The following EXOC3L4 variants were observed in gnomAD, a reference collection of about 807,000 sequenced individuals.
EXOC3L4 encodes the protein exocyst complex component 3 like 4.
In EXOC3L4, 62 loss-of-function variants were observed where a neutral mutation model predicts 69.7. That is an observed-to-expected ratio of 0.89 (90% confidence interval 0.72 to 1.10). The LOEUF (loss-of-function observed/expected upper bound fraction) is 1.10, where lower values mean the gene tolerates loss of function less well. Among genes scored for constraint, EXOC3L4 ranks in the 50% least tolerant of loss-of-function variants. The pLI is 0.00. For missense variants in EXOC3L4, 1,087 were observed against 1,034.8 expected (o/e 1.05, Z -0.69); for synonymous variants, 502 against 464.2 (o/e 1.08, Z -1.05).
At position 103,100,197 on chromosome 14, in the gene EXOC3L4, C is replaced by A; in HGVS notation, c.-16-7C>A. On this transcript the variant is annotated splice_region_variant and splice_polypyrimidine_tract_variant and intron_variant, in intron 1 of 11. Transcript: ENST00000688303. Reference sequence around the variant, plus strand: ...CTGCTCCTATGGCCACTCCTTCTTGCCCCCAGCTCTCCTGCTGCCAAGATG... The same window carrying A: ...CTGCTCCTATGGCCACTCCTTCTTGACCCCAGCTCTCCTGCTGCCAAGATG... 6.5e-7 allele frequency: 1 copy of A among 1,547,336 alleles called. No individual in the cohort carries two copies. Among genetic ancestry groups the A allele is most frequent in the Non-Finnish European group, 8.8e-7 (1 of 1,142,080 alleles).
At chr14:103,103,742 G>C (rs1242481410) in intron 3 of EXOC3L4, 199 bp from the exon 4 acceptor site, 2 of 534,422 alleles carry the variant, frequency 3.7e-6, no homozygotes, top group Non-Finnish European at 6.6e-6. Flanking sequence ...CAGGAACCCA[G>C]CTGTCAGAGG....
In EXOC3L4 at chr14:103,105,223, A is replaced by G. The variant is rs950631426; in HGVS notation, c.1466+151A>G. ...TTGTGTCTGTGTGTTGGTGGATCTG[A>G]GGGGTGTGTGTGCGTGTGTGTGTAG... On this transcript the variant is annotated intron_variant, in intron 7 of 11. Coordinates refer to ENST00000688303, the MANE Select transcript of EXOC3L4 (RefSeq NM_001077594.2). The G allele has an allele frequency of 6.4e-6, 5 of 782,168 alleles. No individual in the cohort carries two copies. The South Asian group carries it at 7.5e-5, about 12-fold the overall frequency. 48.5% of individuals were successfully genotyped at this position (782,168 alleles called of 1,614,324 possible). A position where few individuals can be genotyped will look rare whatever the true frequency, so the allele number is the denominator to read the frequency against.
chr14:103,104,316 A>ACTGGGCGGCCGCCGAGGTCCC lies in EXOC3L4; in HGVS notation c.1213_1233dup (p.Trp405_Pro411dup), dbSNP rs1890405574. 1.9e-6 allele frequency: 3 copies of ACTGGGCGGCCGCCGAGGTCCC among 1,594,612 alleles called. No individual in the cohort carries two copies. Among genetic ancestry groups the ACTGGGCGGCCGCCGAGGTCCC allele is most frequent in the African/African-American group, 1.3e-5 (1 of 74,112 alleles). ...AGCATCTTGCAGCTGGAGCAGAGTCACTGGGCGGCCGCCGAGGTCCCCGAG... is the reference window on the plus strand; with the variant it reads ...AGCATCTTGCAGCTGGAGCAGAGTCACTGGGCGGCCGCCGAGGTCCCCTGGGCGGCCGCCGAGGTCCCCGAG... On this transcript the variant is annotated inframe_insertion, in exon 5 of 12. Transcript: ENST00000688303.
rs571324770 is a variant in EXOC3L4 at position 103,100,586 on chromosome 14, G to GCGT, written c.369_371dup (p.Ser124dup). On this transcript the variant is annotated inframe_insertion, in exon 2 of 12. Transcript: ENST00000688303. ...CAGCCAGCAGGCATCCACTGGGGCAGCGTCTGAGGAACTGAAACCCGAGGC... is the reference window on the plus strand; with the variant it reads ...CAGCCAGCAGGCATCCACTGGGGCAGCGTCGTCTGAGGAACTGAAACCCGAGGC... 183 of 1,606,058 alleles carry GCGT rather than the reference G, an allele frequency of 1.1e-4. No homozygotes were observed. The African/African-American group carries it at 2.3e-3, about 20-fold the overall frequency.
At position 103,100,305 on chromosome 14, in the gene EXOC3L4, C is replaced by T; in HGVS notation, c.86C>T (p.Ser29Phe). The change falls in exon 2 of 12, where the codon TCC (serine) becomes TTC (phenylalanine). Residue 29 changes from serine to phenylalanine, a missense_variant. Transcript: ENST00000688303. ...AEEPQTPAQG[S>F]RRTSSRKEPN... ...GAGCCACAGACTCCAGCTCAGGGCT[C>T]CCGGCGAACAAGCAGCAGGAAAGAG... 3 of 1,583,738 alleles carry T rather than the reference C, an allele frequency of 1.9e-6. No homozygotes were observed. The highest frequency in any genetic ancestry group is 2.3e-5 in the South Asian group (2 of 87,484).
chr14:103,104,845 A>T lies in EXOC3L4; in HGVS notation c.1385+7A>T. 1 of 1,507,142 alleles carries T rather than the reference A, an allele frequency of 6.6e-7. No individual in the cohort carries two copies. The highest frequency in any genetic ancestry group is 8.9e-7 in the Non-Finnish European group (1 of 1,120,550). The allele number at this position is 1,507,142 out of a possible 1,614,324, so 93.4% of individuals were successfully genotyped here. A position where few individuals can be genotyped will look rare whatever the true frequency, so the allele number is the denominator to read the frequency against. On this transcript the variant is annotated splice_region_variant and intron_variant, in intron 6 of 11. Coordinates refer to ENST00000688303, the MANE Select transcript of EXOC3L4 (RefSeq NM_001077594.2). ...TCGGCCTCTTCGTGCCCAGGTGCGG[A>T]CGCATCCTCAGTAGGGGAGCGACCT...
rs907443882 is a variant in EXOC3L4 at position 103,110,291 on chromosome 14, C to T, written c.*68C>T. 1.1e-5 allele frequency: 17 copies of T among 1,478,332 alleles called. No individual in the cohort carries two copies. The African/African-American group carries it at 2.1e-4, about 18-fold the overall frequency. The allele number at this position is 1,478,332 out of a possible 1,614,324, so 91.6% of individuals were successfully genotyped here. A position where few individuals can be genotyped will look rare whatever the true frequency, so the allele number is the denominator to read the frequency against. On this transcript the variant is annotated 3_prime_UTR_variant, in exon 12 of 12. Transcript: ENST00000688303. ...GTGGTCAGTGGGGGTCAGCCAGGAGCCCAGGGAGTCACTCTGGGCCCTGCC... is the reference window on the plus strand; with the variant it reads ...GTGGTCAGTGGGGGTCAGCCAGGAGTCCAGGGAGTCACTCTGGGCCCTGCC...
At chr14:103,101,771 C>T (rs540579423) in intron 2 of EXOC3L4, among the ~76,000 whole-genome samples, 3 of 152,332 alleles carry the variant, frequency 2.0e-5, no homozygotes, top group East Asian at 3.9e-4. Flanking sequence ...GCCTGAGCTC[C>T]GACCCTATTA....
intron 10 of EXOC3L4, 79 bp from the exon 11 acceptor site, chr14:103,108,306 GCTGACCTCGCA>G (rs1566953430): frequency 2.0e-6 from 3 of 1,535,098 alleles, no homozygotes; most frequent in Admixed American, 3.7e-5. Context: ...CTGCGGGAGG[GCTGACCTCGCA>G]CTGACCTCGC....
In EXOC3L4 at chr14:103,110,247, C is replaced by T. The variant is rs986034271; in HGVS notation, c.*24C>T. ...AGTTCTCTCTGGCTCGAGGGGGGGC[C>T]GGCCGCTGGCAGGGAGCTGTGGTCA... On this transcript the variant is annotated 3_prime_UTR_variant, in exon 12 of 12. Coordinates refer to ENST00000688303, the MANE Select transcript of EXOC3L4 (RefSeq NM_001077594.2). 2.1e-5 allele frequency: 31 copies of T among 1,494,752 alleles called. No homozygotes were observed. The highest frequency in any genetic ancestry group is 8.9e-5 in the Admixed American group (4 of 44,924). The allele number at this position is 1,494,752 out of a possible 1,614,324, so 92.6% of individuals were successfully genotyped here. A position where few individuals can be genotyped will look rare whatever the true frequency, so the allele number is the denominator to read the frequency against.
chr14:103,106,718 T>TG (rs1314717754), intron 7 of EXOC3L4, 67 bp from the exon 8 acceptor site: 1 of 956,158 alleles, frequency 1.0e-6, no homozygotes, highest in African/African-American at 1.7e-5. Flanking sequence ...TGGAGCTGTG[T>TG]GCCCGGCTCT....
chr14:103,109,019 C>G (rs1595257531), intron 11 of EXOC3L4, among the ~76,000 whole-genome samples: 1 of 151,906 alleles, frequency 6.6e-6, no homozygotes, highest in Non-Finnish European at 1.5e-5. Flanking sequence ...GGGAAGGATT[C>G]CCCATCCCCA....
Position 103,110,250 on chromosome 14 carries a change from C to G in EXOC3L4, c.*27C>G. 1 of 1,495,512 alleles carries G rather than the reference C, an allele frequency of 6.7e-7. No homozygotes were observed. Among genetic ancestry groups the G allele is most frequent in the Non-Finnish European group, 8.9e-7 (1 of 1,122,872 alleles). 92.6% of individuals were successfully genotyped at this position (1,495,512 alleles called of 1,614,324 possible). ...TCTCTCTGGCTCGAGGGGGGGCCGG[C>G]CGCTGGCAGGGAGCTGTGGTCAGTG... is the stretch of plus-strand genomic sequence containing the variant. On this transcript the variant is annotated 3_prime_UTR_variant, in exon 12 of 12. Coordinates refer to ENST00000688303, the MANE Select transcript of EXOC3L4 (RefSeq NM_001077594.2).
At chr14:103,096,941 C>T (rs1595230266) in intron 1 of EXOC3L4, among the ~76,000 whole-genome samples, 1 of 152,234 alleles carries the variant, frequency 6.6e-6, no homozygotes, top group Non-Finnish European at 1.5e-5. Flanking sequence ...GGGCTTCGGC[C>T]CAGGGCACAG....
Position 103,110,152 on chromosome 14 carries a change from C to T in EXOC3L4, c.2098C>T (p.Pro700Ser), listed in dbSNP as rs768494124. The T allele has an allele frequency of 3.2e-6, 5 of 1,545,424 alleles. No individual in the cohort carries two copies. Among genetic ancestry groups the T allele is most frequent in the Non-Finnish European group, 2.6e-6 (3 of 1,144,436 alleles). ...AAAGAAGAEA[P>S]RGRVLFEEIK... The stretch of plus-strand genomic sequence containing the variant: ...GGCCGGGGCGGCGGGTGCGGAGGCC[C>T]CTCGGGGCCGCGTGCTCTTCGAGGA... Residue 700 changes from proline (P) to serine (S), a missense_variant, in exon 12 of 12, where the codon CCT becomes TCT. Pro to Ser is a moderately conservative substitution (Grantham distance 74). Coordinates refer to ENST00000688303, the MANE Select transcript of EXOC3L4 (RefSeq NM_001077594.2).
rs1355434988 is a variant in EXOC3L4 at position 103,097,577 on chromosome 14, T to C, written c.-16-2627T>C. Among the ~76,000 whole-genome samples the C allele has an allele frequency of 2.6e-5, 4 of 152,056 alleles. No homozygotes were observed. The highest frequency in any genetic ancestry group is 1.3e-4 in the Admixed American group (2 of 15,262). On this transcript the variant is annotated intron_variant, in intron 1 of 11. Transcript: ENST00000688303. This position sits in a 1 kb window ranked among gnomAD's most constrained non-coding sequence, Gnocchi z 4.9. Reference sequence around the variant, plus strand: ...GGCAGGGCGACCCTGATACCGATGTTCCGCCTGCTTCCAGGCTGTGCTCAG... The same window carrying C: ...GGCAGGGCGACCCTGATACCGATGTCCCGCCTGCTTCCAGGCTGTGCTCAG...
rs1485516407 is a variant in EXOC3L4 at position 103,102,545 on chromosome 14, T to C, written c.822T>C (p.Gly274=). The C allele has an allele frequency of 2.1e-6, 3 of 1,422,516 alleles. No individual in the cohort carries two copies. The highest frequency in any genetic ancestry group is 2.8e-6 in the Non-Finnish European group (3 of 1,090,666). 88.1% of individuals were successfully genotyped at this position (1,422,516 alleles called of 1,614,324 possible). A position where few individuals can be genotyped will look rare whatever the true frequency, so the allele number is the denominator to read the frequency against. ...TCGGGGAGGCGGAGGGCGCGTCGGG[T>C]TTGGCCCAGCTTCTGGCCGAGCTGG... ...WAFGEAEGAS[G]LAQLLAELGG... Residue 274 remains glycine, a synonymous_variant, in exon 3 of 12, where the codon GGT becomes GGC. Transcript: ENST00000688303.
At chr14:103,106,117 C>CA (rs1890534426) in intron 7 of EXOC3L4, among the ~76,000 whole-genome samples, 1 of 152,260 alleles carries the variant, frequency 6.6e-6, no homozygotes, top group South Asian at 2.1e-4. Context: ...GCAGTATACC[C>CA]ACGCACAGGT....
At chr14:103,101,841 T>G (rs992388133) in intron 2 of EXOC3L4, among the ~76,000 whole-genome samples, 2 of 151,908 alleles carry the variant, frequency 1.3e-5, no homozygotes, top group African/African-American at 4.8e-5. Flanking sequence ...GAGTGGAAGG[T>G]GGGTGTGGGA....
Sources: allele counts gnomAD v4.1 joint callset (sites outside exome capture counted in the v4.1 genomes callset), GRCh38; gene constraint gnomAD v4.1.1; non-coding constraint Gnocchi (gnomAD v3.1); transcripts MANE v1.5; gene names NCBI Gene and HGNC (gene_info 2026-07-23, HGNC 2026-07-21).